QKI: variants seen among roughly 807,000 people sequenced by gnomAD.
QKI encodes the protein KH domain-containing RNA-binding protein QKI.
Under a neutral mutation model 39.0 loss-of-function variants are expected in QKI, and 10 were observed. That is an observed-to-expected ratio of 0.26 (90% CI 0.16 to 0.43). The LOEUF (loss-of-function observed/expected upper bound fraction) is 0.43. QKI is among the 20% of genes least tolerant of loss of function. QKI has a pLI of 1.00. For missense variants in QKI, 218 were observed against 428.0 expected (o/e 0.51, Z 4.33); for synonymous variants, 204 against 155.4 (o/e 1.31, Z -2.33).
At chr6:163,546,348 TAG>T (rs1781874557) in intron 4 of QKI, among the ~76,000 whole-genome samples, 1 of 151,948 alleles carries the variant, frequency 6.6e-6, no homozygotes. Flanking sequence ...ATTCACTTTA[TAG>T]TAGGGTGCAT....
intron 3 of QKI, among the ~76,000 whole-genome samples, chr6:163,481,033 A>T (rs1393689389): frequency 6.6e-6 from 1 of 152,130 alleles, no homozygotes; most frequent in Non-Finnish European, 1.5e-5. Context: ...ATACTGTTGC[A>T]CTCTTATAAG....
chr6:163,422,407 C>T (rs1447836627), intron 1 of QKI, among the ~76,000 whole-genome samples: 1 of 152,082 alleles, frequency 6.6e-6, no homozygotes, highest in Non-Finnish European at 1.5e-5. Flanking sequence ...TTCTGCTTAG[C>T]AGATAAGCAG....
At chr6:163,450,457 A>T (rs1028081096) in intron 1 of QKI, among the ~76,000 whole-genome samples, 2 of 152,230 alleles carry the variant, frequency 1.3e-5, no homozygotes, top group African/African-American at 4.8e-5. Context: ...AAAGCCAAAG[A>T]CAAACATGAG....
At chr6:163,558,275 A>G (rs938591840) in intron 4 of QKI, among the ~76,000 whole-genome samples, 1 of 152,226 alleles carries the variant, frequency 6.6e-6, no homozygotes, top group African/African-American at 2.4e-5. Flanking sequence ...TATACCTTCA[A>G]CAGTGTTTAG....
chr6:163,417,942 T>A (rs531098778), intron 1 of QKI, among the ~76,000 whole-genome samples: 2 of 152,348 alleles, frequency 1.3e-5, no homozygotes, highest in African/African-American at 2.4e-5. Context: ...AAACTTAATT[T>A]GACTTAAGAA....
rs1339084720 is a variant in QKI at position 163,535,140 on chromosome 6, C to T, written c.546+15C>T. ...TGGTACCTGCAGTAAGTAATAATTT[C>T]CAGACCTTAGATTTGGGCCTCGTCC... On this transcript the variant is annotated intron_variant, in intron 4 of 7. Transcript: ENST00000361752. 17 of 1,565,898 alleles carry T rather than the reference C, an allele frequency of 1.1e-5. No individual in the cohort carries two copies. The highest frequency in any genetic ancestry group is 1.4e-5 in the Non-Finnish European group (16 of 1,157,902).
rs896589861 is a variant in QKI, at chr6:163,471,508, A to T, written c.286-7272A>T. 6.6e-5 allele frequency among the ~76,000 whole-genome samples: 10 copies of T among 152,136 alleles called. 1 individual carries two copies. The highest frequency in any genetic ancestry group is 2.4e-4 in the African/African-American group (10 of 41,440). On this transcript the variant is annotated intron_variant, in intron 2 of 7. Transcript: ENST00000361752. ...AGAATTTGAAAAACAAAGGCATATA[A>T]ACTGGATTGAGGATAAATATTACAC...
At chr6:163,535,333 T>A (rs957760862) in intron 4 of QKI, among the ~76,000 whole-genome samples, 1 of 152,064 alleles carries the variant, frequency 6.6e-6, no homozygotes, top group Admixed American at 6.6e-5. Flanking sequence ...TAAAAGGGGT[T>A]TTGGAGGGTG....
At chr6:163,489,772 T>C (rs1195285646) in intron 3 of QKI, among the ~76,000 whole-genome samples, 1 of 152,176 alleles carries the variant, frequency 6.6e-6, no homozygotes, top group Non-Finnish European at 1.5e-5. Flanking sequence ...TTATTAAAGA[T>C]GACTCATCAA....
chr6:163,444,187 G>C (rs577910471), intron 1 of QKI, among the ~76,000 whole-genome samples: 1 of 152,324 alleles, frequency 6.6e-6, no homozygotes, highest in South Asian at 2.1e-4. Context: ...GCCCTTGCCT[G>C]TAGGGGGTCA....
chr6:163,478,845 C>G lies in QKI; in HGVS notation c.351C>G (p.Thr117=), dbSNP rs151172419. 23 of 1,612,100 alleles carry G rather than the reference C, an allele frequency of 1.4e-5. No homozygotes were observed. Among genetic ancestry groups the G allele is most frequent in the South Asian group, 7.7e-5 (7 of 91,010 alleles). Residue 117 remains threonine, a synonymous_variant, in exon 3 of 8, where the codon ACC becomes ACG. Transcript: ENST00000361752. ...CAGCCAAACAACTTGAAGCAGAAAC[C>G]GGATGTAAAATCATGGTCCGAGGCA... is the stretch of plus-strand genomic sequence containing the variant. ...GLTAKQLEAE[T]GCKIMVRGKG... is the part of the protein sequence containing the mutation.
rs188390246 is a variant in QKI, at chr6:163,468,315, A to T, written c.286-10465A>T. Among the ~76,000 whole-genome samples, 10 of 152,306 alleles carry T rather than the reference A, an allele frequency of 6.6e-5. No homozygotes were observed. In the East Asian group the frequency reaches 1.9e-3, roughly 29 times the overall value. On this transcript the variant is annotated intron_variant, in intron 2 of 7. Coordinates refer to ENST00000361752, the MANE Select transcript of QKI (RefSeq NM_006775.3). ...AGCAATCCAAAAAAGTGCATTTTTTAAATGAAAACTTGGTCTCTCCCCTTG... is the reference window on the plus strand; with the variant it reads ...AGCAATCCAAAAAAGTGCATTTTTTTAATGAAAACTTGGTCTCTCCCCTTG...
intron 4 of QKI, among the ~76,000 whole-genome samples, chr6:163,559,507 CAAAT>C (rs1206909020): frequency 2.6e-5 from 4 of 152,210 alleles, no homozygotes; most frequent in African/African-American, 9.6e-5. Flanking sequence ...TCGTTTTTAA[CAAAT>C]AATTTCTGTG....
intron 4 of QKI, among the ~76,000 whole-genome samples, chr6:163,559,304 A>AC (rs1782844897): frequency 6.6e-6 from 1 of 151,964 alleles, no homozygotes; most frequent in South Asian, 2.1e-4. Context: ...CTGGAGGTAA[A>AC]CCTACTGCTC....
rs768253735 is a variant in QKI at position 163,566,019 on chromosome 6, C to T, written c.935-702C>T. 1.9e-6 allele frequency: 3 copies of T among 1,602,180 alleles called. No individual in the cohort carries two copies. In the South Asian group the frequency reaches 3.3e-5, roughly 18 times the overall value. On this transcript the variant is annotated intron_variant, in intron 6 of 7. Transcript: ENST00000361752. ...GAACCCTCATCAGATCTGAATTTAACAAATGCTTAGTCTCAGCAGCCTCCG... is the reference window on the plus strand; with the variant it reads ...GAACCCTCATCAGATCTGAATTTAATAAATGCTTAGTCTCAGCAGCCTCCG...
intron 1 of QKI, among the ~76,000 whole-genome samples, chr6:163,433,196 ATGT>A (rs751803299): frequency 7.2e-5 from 11 of 152,170 alleles, no homozygotes; most frequent in Non-Finnish European, 1.3e-4. Flanking sequence ...TATCATAGTG[ATGT>A]TGTTTAGGTA....
chr6:163,510,102 G>A (rs1344785011), intron 3 of QKI, among the ~76,000 whole-genome samples: 1 of 151,998 alleles, frequency 6.6e-6, no homozygotes, highest in Non-Finnish European at 1.5e-5. Flanking sequence ...TGTAATGCCA[G>A]CTACTCAGGA....
intron 3 of QKI, among the ~76,000 whole-genome samples, chr6:163,485,268 G>T (rs2128227062): frequency 6.6e-6 from 1 of 152,238 alleles, no homozygotes; most frequent in South Asian, 2.1e-4. Context: ...AAGTAATTAT[G>T]GTGTTTCACT....
intron 1 of QKI, among the ~76,000 whole-genome samples, chr6:163,421,321 T>A (rs1195270861): frequency 2.6e-5 from 4 of 152,226 alleles, no homozygotes; most frequent in African/African-American, 9.6e-5. Flanking sequence ...ATAGTATAGT[T>A]TCTTGTCAGT....
Sources: gnomAD v4.1 joint callset for allele counts (sites outside exome capture counted in the v4.1 genomes callset) on GRCh38, gnomAD v4.1.1 for gene constraint, MANE v1.5 for transcripts, NCBI Gene and HGNC (gene_info 2026-07-23, HGNC 2026-07-21) for gene names.